SUGCT: variants seen among roughly 807,000 people sequenced by gnomAD.
SUGCT encodes the protein succinyl-CoA:glutarate CoA-transferase.
Under a neutral mutation model 55.0 loss-of-function variants are expected in SUGCT, and 41 were observed. The ratio of observed to expected loss-of-function variants is 0.74; its 90% CI spans 0.58 to 0.97. The LOEUF is 0.97. Among genes scored for constraint, SUGCT ranks in the 50% least tolerant of loss-of-function variants. The pLI is 0.00. For synonymous variants in SUGCT, 187 were observed against 200.4 expected (o/e 0.93, Z 0.56); for missense variants, 568 against 547.8 (o/e 1.04, Z -0.37).
the SUGCT span, among the ~76,000 whole-genome samples, chr7:40,943,578 A>C: frequency 6.7e-6 from 1 of 149,662 alleles, no homozygotes; most frequent in African/African-American, 2.5e-5. Flanking sequence ...ATGATTTCCA[A>C]TTTCATCCAT....
chr7:40,900,078 C>T, the SUGCT span, among the ~76,000 whole-genome samples: 1 of 152,228 alleles, frequency 6.6e-6, no homozygotes, highest in Non-Finnish European at 1.5e-5. Context: ...GAGGCCTTCT[C>T]AGCGAAGCAT....
At chr7:40,266,243 G>A (rs1425693041) in intron 7 of SUGCT, among the ~76,000 whole-genome samples, 3 of 120,348 alleles carry the variant, frequency 2.5e-5, no homozygotes, top group Admixed American at 1.2e-4. Flanking sequence ...GGAGTGCAAC[G>A]GATTCAAGTG....
At chr7:40,489,378 T>C (rs1000557901) in intron 11 of SUGCT, among the ~76,000 whole-genome samples, 6 of 152,172 alleles carry the variant, frequency 3.9e-5, no homozygotes, top group African/African-American at 1.4e-4. Context: ...TTCACTGAGC[T>C]TCCTTAAAAC....
At chr7:40,826,650 C>T (rs1251262003) in intron 13 of SUGCT, among the ~76,000 whole-genome samples, 1 of 152,162 alleles carries the variant, frequency 6.6e-6, no homozygotes. Flanking sequence ...AAAGAGTGAC[C>T]ATTTAAACAG....
At chr7:40,900,736 C>A in the SUGCT span, among the ~76,000 whole-genome samples, 2 of 152,198 alleles carry the variant, frequency 1.3e-5, no homozygotes, top group African/African-American at 4.8e-5. Context: ...AGCTGCATTT[C>A]CGCAAGGAAG....
the SUGCT span, among the ~76,000 whole-genome samples, chr7:40,898,193 C>T: frequency 7.0e-3 from 1,073 of 152,214 alleles, 14 homozygotes; most frequent in African/African-American, 0.024. Context: ...CAACTCTGGA[C>T]GTGCCACTTT....
At chr7:41,033,777 TGAA>T in the SUGCT span, among the ~76,000 whole-genome samples, 1 of 152,042 alleles carries the variant, frequency 6.6e-6, no homozygotes, top group Non-Finnish European at 1.5e-5. Context: ...GAGTCAGACT[TGAA>T]GAACTATTGA....
intron 12 of SUGCT, among the ~76,000 whole-genome samples, chr7:40,736,263 C>G (rs1460687192): frequency 1.3e-5 from 1 of 75,996 alleles, no homozygotes; most frequent in Non-Finnish European, 2.3e-5. Context: ...TATAATATTT[C>G]AATATATAAT....
chr7:40,626,398 A>G (rs1197096356), intron 12 of SUGCT, among the ~76,000 whole-genome samples: 1 of 151,526 alleles, frequency 6.6e-6, no homozygotes, highest in Admixed American at 6.6e-5. Flanking sequence ...CTGTGACTAC[A>G]GGCGTGTGCC....
At chr7:40,729,802 C>T (rs979964871) in intron 12 of SUGCT, among the ~76,000 whole-genome samples, 5 of 152,106 alleles carry the variant, frequency 3.3e-5, no homozygotes, top group African/African-American at 4.8e-5. Context: ...GGAAAACACA[C>T]GCCACTGCTA....
chr7:40,647,589 G>T (rs1407809306), intron 12 of SUGCT, among the ~76,000 whole-genome samples: 1 of 152,136 alleles, frequency 6.6e-6, no homozygotes, highest in Non-Finnish European at 1.5e-5. Flanking sequence ...AGTGGCTCAC[G>T]CATGTACTCC....
At chr7:40,625,498 C>T (rs1799485841) in intron 12 of SUGCT, among the ~76,000 whole-genome samples, 1 of 152,094 alleles carries the variant, frequency 6.6e-6, no homozygotes, top group Non-Finnish European at 1.5e-5. Context: ...TCTTCCTTCT[C>T]CTCCTCTTTC....
chr7:40,902,913 A>T, the SUGCT span, among the ~76,000 whole-genome samples: 4 of 152,158 alleles, frequency 2.6e-5, no homozygotes, highest in African/African-American at 9.7e-5. Context: ...CACCATAGGC[A>T]ATGAATTTAA....
At chr7:40,617,475 ATG>A (rs34487309) in intron 12 of SUGCT, among the ~76,000 whole-genome samples, 26,386 of 143,286 alleles carry the variant, frequency 0.18, 2,343 homozygotes, top group Middle Eastern at 0.22. Flanking sequence ...TTAGATTTAT[ATG>A]TGTGTGTGTG....
intron 13 of SUGCT, among the ~76,000 whole-genome samples, chr7:40,797,489 C>T (rs1790604712): frequency 1.3e-5 from 2 of 152,264 alleles, no homozygotes; most frequent in Non-Finnish European, 2.9e-5. Flanking sequence ...TGACAGTCAT[C>T]CTAGGCTGCT....
chr7:40,322,209 GAAT>G (rs1456130121), intron 9 of SUGCT, among the ~76,000 whole-genome samples: 7 of 152,044 alleles, frequency 4.6e-5, no homozygotes, highest in African/African-American at 1.7e-4. Flanking sequence ...TCACTGTTCT[GAAT>G]AGCATAAGAA....
At chr7:40,243,106 T>G (rs549472841) in intron 7 of SUGCT, among the ~76,000 whole-genome samples, 1 of 148,958 alleles carries the variant, frequency 6.7e-6, no homozygotes, top group East Asian at 2.0e-4. Flanking sequence ...TGCATCCATC[T>G]CTCTCTCTCT....
intron 9 of SUGCT, among the ~76,000 whole-genome samples, chr7:40,320,816 A>G (rs1795685606): frequency 2.0e-5 from 3 of 152,204 alleles, no homozygotes; most frequent in African/African-American, 7.2e-5. Context: ...ATTTTAGAGC[A>G]TACAAGTGCA....
intron 12 of SUGCT, among the ~76,000 whole-genome samples, chr7:40,721,702 C>T (rs1786347179): frequency 1.3e-5 from 2 of 152,170 alleles, no homozygotes; most frequent in African/African-American, 4.8e-5. Flanking sequence ...TCTTAAGTGG[C>T]TTCATTCTGT....
Sources: allele counts gnomAD v4.1 joint callset (sites outside exome capture counted in the v4.1 genomes callset), GRCh38; gene constraint gnomAD v4.1.1; transcripts MANE v1.5; gene names NCBI Gene and HGNC (gene_info 2026-07-23, HGNC 2026-07-21).